Variants in SLC36A1 observed in about 807,000 individuals in gnomAD.
SLC36A1 encodes the protein proton-coupled amino acid transporter 1.
Under a neutral mutation model 47.5 loss-of-function variants are expected in SLC36A1, and 30 were observed. The ratio of observed to expected loss-of-function variants is 0.63; its 90% CI spans 0.47 to 0.86. The LOEUF (loss-of-function observed/expected upper bound fraction) is 0.86, where lower values mean the gene tolerates loss of function less well. Ranked by LOEUF, SLC36A1 falls within the 40% of genes least tolerant of loss-of-function variation. The pLI is 0.00. For missense variants in SLC36A1, 517 were observed against 606.0 expected (o/e 0.85, Z 1.54); for synonymous variants, 255 against 249.7 (o/e 1.02, Z -0.20).
chr5:151,474,933 A>T (rs1757836802), intron 8 of SLC36A1, among the ~76,000 whole-genome samples: 1 of 152,228 alleles, frequency 6.6e-6, no homozygotes, highest in Admixed American at 6.5e-5. Flanking sequence ...GAAGCTGTAC[A>T]CATTTTTTGT....
At chr5:151,373,724 TC>T in the SLC36A1 span, among the ~76,000 whole-genome samples, 1 of 152,206 alleles carries the variant, frequency 6.6e-6, no homozygotes, top group Admixed American at 6.5e-5. Context: ...AGATAGTTTT[TC>T]CTTATTTTTA....
chr5:151,413,263 T>A, the SLC36A1 span, among the ~76,000 whole-genome samples: 1 of 151,882 alleles, frequency 6.6e-6, no homozygotes. Flanking sequence ...TTTTGTTTTA[T>A]GATGGTGAAA....
At chr5:151,379,305 T>C in the SLC36A1 span, among the ~76,000 whole-genome samples, 1 of 152,242 alleles carries the variant, frequency 6.6e-6, no homozygotes, top group South Asian at 2.1e-4. Flanking sequence ...TTTTTCCTAC[T>C]TTAATTGAAA....
chr5:151,415,961 G>A, the SLC36A1 span, among the ~76,000 whole-genome samples: 1 of 152,124 alleles, frequency 6.6e-6, no homozygotes, highest in Non-Finnish European at 1.5e-5. Context: ...CAAAAAATTA[G>A]CCAGGTGTGG....
chr5:151,540,813 A>G, the SLC36A1 span: 3 of 1,522,188 alleles, frequency 2.0e-6, no homozygotes, highest in Non-Finnish European at 2.7e-6. Context: ...GGAATGAACT[A>G]GGCTTTGTGT....
chr5:151,417,044 CA>C, the SLC36A1 span, among the ~76,000 whole-genome samples: 1 of 152,182 alleles, frequency 6.6e-6, no homozygotes, highest in South Asian at 2.1e-4. Flanking sequence ...GAGGCCTCCC[CA>C]ACCATGCTGA....
chr5:151,544,700 C>T, the SLC36A1 span: 1 of 1,614,050 alleles, frequency 6.2e-7, no homozygotes, highest in African/African-American at 1.3e-5. Context: ...CGAGCAATGA[C>T]TTTGAGGTGA....
chr5:151,546,157 G>C, the SLC36A1 span: 4 of 1,613,986 alleles, frequency 2.5e-6, no homozygotes, highest in Non-Finnish European at 3.4e-6. Flanking sequence ...AAAGATGGGG[G>C]CACTCCTATC....
chr5:151,499,912 C>A, the SLC36A1 span, among the ~76,000 whole-genome samples: 1 of 152,188 alleles, frequency 6.6e-6, no homozygotes, highest in African/African-American at 2.4e-5. Context: ...AGTCCCCACC[C>A]TGCCCCTCCC....
At chr5:151,507,215 C>T in the SLC36A1 span, 13 of 1,612,200 alleles carry the variant, frequency 8.1e-6, no homozygotes, top group African/African-American at 1.3e-5. Context: ...GGGAAGGGAC[C>T]GCAGCTGGCG....
intron 1 of SLC36A1, among the ~76,000 whole-genome samples, chr5:151,455,043 C>T (rs981391374): frequency 7.9e-5 from 12 of 152,110 alleles, no homozygotes; most frequent in African/African-American, 2.7e-4. Context: ...TTGTCATTAT[C>T]CCCTTTATAG....
the SLC36A1 span, chr5:151,545,132 C>A: frequency 1.2e-6 from 2 of 1,614,174 alleles, no homozygotes; most frequent in South Asian, 1.1e-5. Flanking sequence ...GAAAGGGTGT[C>A]ATTCAAATGA....
At chr5:151,429,208 A>AT in the SLC36A1 span, among the ~76,000 whole-genome samples, 4 of 151,656 alleles carry the variant, frequency 2.6e-5, no homozygotes, top group African/African-American at 9.7e-5. Flanking sequence ...ATTTTTTAAA[A>AT]TTTTTTTTAT....
chr5:151,497,656 T>A, the SLC36A1 span, among the ~76,000 whole-genome samples: 1 of 152,180 alleles, frequency 6.6e-6, no homozygotes, highest in African/African-American at 2.4e-5. Context: ...GTGGGTTTCT[T>A]TAGGACAGAG....
At chr5:151,505,743 G>A in the SLC36A1 span, 26 of 1,613,388 alleles carry the variant, frequency 1.6e-5, no homozygotes, top group African/African-American at 4.0e-5. Flanking sequence ...GCCCCCGTCT[G>A]CCAGGCAGGG....
intron 7 of SLC36A1, among the ~76,000 whole-genome samples, chr5:151,470,374 G>A (rs1471426218): frequency 2.0e-5 from 3 of 152,218 alleles, no homozygotes; most frequent in Non-Finnish European, 4.4e-5. Flanking sequence ...GGTTCTTATA[G>A]CGTCTCAGTC....
the SLC36A1 span, chr5:151,551,337 A>G: frequency 6.1e-5 from 59 of 966,028 alleles, no homozygotes; most frequent in Non-Finnish European, 9.1e-5. Context: ...GTATTAGACA[A>G]GAACTTTGAT....
chr5:151,444,078 T>C (rs868416606), upstream of SLC36A1, among the ~76,000 whole-genome samples: 10 of 152,264 alleles, frequency 6.6e-5, no homozygotes, highest in Middle Eastern at 3.2e-3. Flanking sequence ...ATCTTTGTAA[T>C]ATAATTTTGA....
the SLC36A1 span, among the ~76,000 whole-genome samples, chr5:151,365,762 TGTCCTTTTCTGTG>T: frequency 1.3e-5 from 2 of 152,212 alleles, no homozygotes; most frequent in Non-Finnish European, 2.9e-5. Context: ...GGAACCTAGA[TGTCCTTTTCTGTG>T]AAATGGAGAA....
Sources: allele counts gnomAD v4.1 joint callset (sites outside exome capture counted in the v4.1 genomes callset), GRCh38; gene constraint gnomAD v4.1.1; transcripts MANE v1.5; gene names NCBI Gene and HGNC (gene_info 2026-07-23, HGNC 2026-07-21).